Variants in AFF2 observed in about 807,000 individuals in gnomAD.
AFF2 encodes the protein ALF transcription elongation factor 2.
Under a neutral mutation model 76.9 loss-of-function variants are expected in AFF2, and 14 were observed. The observed-to-expected ratio is 0.18, with a 90% confidence interval of 0.12 to 0.28. The LOEUF is 0.28. AFF2 is among the 10% of genes least tolerant of loss of function. The pLI, the probability that AFF2 is intolerant of heterozygous loss-of-function variation, is 1.00. For missense variants in AFF2, 868 were observed against 1,001.1 expected (o/e 0.87, Z 1.79); for synonymous variants, 398 against 366.7 (o/e 1.09, Z -0.98).
chrX:148,856,649 G>A (rs1438397302), intron 7 of AFF2, among the ~76,000 whole-genome samples: 1 of 111,676 alleles, frequency 9.0e-6, no homozygotes, highest in Non-Finnish European at 1.9e-5. Context: ...GATATTCTCT[G>A]CTCCTGAGTC....
At chrX:148,990,038 T>C (rs1230593947) in intron 20 of AFF2, among the ~76,000 whole-genome samples, 7 of 112,370 alleles carry the variant, frequency 6.2e-5, no homozygotes, top group African/African-American at 2.3e-4. Context: ...AATGTTTTCC[T>C]TAATACTGTA....
At position 148,594,718 on chromosome X, in the gene AFF2, C is replaced by T. The variant is rs190411081; in HGVS notation, c.48-57281C>T. 2.9e-3 allele frequency among the ~76,000 whole-genome samples: 322 copies of T among 111,905 alleles called. 2 individuals are homozygous for T. The highest frequency in any genetic ancestry group is 5.8e-3 in the Admixed American group (61 of 10,544). On this transcript the variant is annotated intron_variant, in intron 1 of 20. Transcript: ENST00000370460. Reference sequence around the variant, plus strand: ...CCAAGGAATTGGTGATAGCAGATATCCCTTGAAGCAGGAGTGAAGAGGGTA... The same window carrying T: ...CCAAGGAATTGGTGATAGCAGATATTCCTTGAAGCAGGAGTGAAGAGGGTA...
intron 4 of AFF2, among the ~76,000 whole-genome samples, chrX:148,818,294 T>G (rs184259259): frequency 8.9e-6 from 1 of 112,098 alleles, no homozygotes; most frequent in Non-Finnish European, 1.9e-5. Flanking sequence ...CAAAAAATAG[T>G]CTTTACATAT....
At chrX:148,969,574 A>G (rs1301538506) in intron 15 of AFF2, among the ~76,000 whole-genome samples, 1 of 112,223 alleles carries the variant, frequency 8.9e-6, no homozygotes, top group Non-Finnish European at 1.9e-5. Context: ...ATACAATGCA[A>G]TGGTATGTTA....
At chrX:148,902,022 G>GA (rs1301331384) in intron 8 of AFF2, among the ~76,000 whole-genome samples, 2 of 111,402 alleles carry the variant, frequency 1.8e-5, no homozygotes, top group Non-Finnish European at 3.8e-5. Context: ...AGGCAACCCA[G>GA]AAAAAATAAT....
chrX:148,918,257 G>A (rs2071553805), intron 9 of AFF2, among the ~76,000 whole-genome samples: 1 of 112,538 alleles, frequency 8.9e-6, no homozygotes, highest in African/African-American at 3.2e-5. Context: ...AGACTTATTG[G>A]CTAGCAGGCC....
chrX:148,501,070 G>T lies in AFF2; in HGVS notation c.-28G>T, dbSNP rs781942106. 1.9e-5 allele frequency: 23 copies of T among 1,192,696 alleles called. No individual in the cohort carries two copies. In the South Asian group the frequency reaches 2.7e-4, roughly 14 times the overall value. ...CGACCCGCTGCGATCAGGGACAGGC[G>T]CCCGCCCGCCGCCGCCGCCTGGCCG... On this transcript the variant is annotated 5_prime_UTR_variant, in exon 1 of 21. Coordinates refer to ENST00000370460, the MANE Select transcript of AFF2 (RefSeq NM_002025.4).
intron 4 of AFF2, among the ~76,000 whole-genome samples, chrX:148,818,074 A>G (rs1356701893): frequency 8.9e-6 from 1 of 111,744 alleles, no homozygotes; most frequent in Non-Finnish European, 1.9e-5. Flanking sequence ...TTATACCACT[A>G]TCATTTTATG....
intron 7 of AFF2, among the ~76,000 whole-genome samples, chrX:148,861,054 C>A (rs2070842443): frequency 9.0e-6 from 1 of 111,258 alleles, no homozygotes; most frequent in South Asian, 3.8e-4. Flanking sequence ...AAGAAAAGAT[C>A]CAATTGTGTT....
intron 9 of AFF2, among the ~76,000 whole-genome samples, chrX:148,919,847 T>C (rs144049419): frequency 0.014 from 1,539 of 112,317 alleles, 27 homozygotes; most frequent in African/African-American, 0.047. Flanking sequence ...TCACTGTGAA[T>C]AGTTCTCATT....
At chrX:148,773,593 A>G (rs1281691727) in intron 3 of AFF2, among the ~76,000 whole-genome samples, 10 of 104,826 alleles carry the variant, frequency 9.5e-5, no homozygotes, top group South Asian at 4.6e-4. Context: ...TGAGTATGCT[A>G]TAGAGATGTA....
intron 1 of AFF2, among the ~76,000 whole-genome samples, chrX:148,529,017 A>C (rs1356164448): frequency 8.9e-6 from 1 of 112,379 alleles, no homozygotes; most frequent in Non-Finnish European, 1.9e-5. Flanking sequence ...TACTGTGCTC[A>C]TAAAGTTGAT....
At chrX:148,767,649 C>T (rs1305208831) in intron 3 of AFF2, among the ~76,000 whole-genome samples, 3 of 111,689 alleles carry the variant, frequency 2.7e-5, no homozygotes, top group African/African-American at 9.8e-5. Flanking sequence ...TTGCTAAGAA[C>T]TTAAAAGGGT....
intron 7 of AFF2, among the ~76,000 whole-genome samples, chrX:148,875,224 G>C (rs1331542703): frequency 8.9e-6 from 1 of 111,988 alleles, no homozygotes; most frequent in Non-Finnish European, 1.9e-5. Context: ...TCCTCATTTT[G>C]TTAAAACAAT....
At chrX:148,713,378 C>T (rs1457258899) in intron 3 of AFF2, among the ~76,000 whole-genome samples, 1 of 111,380 alleles carries the variant, frequency 9.0e-6, no homozygotes, top group African/African-American at 3.3e-5. Context: ...CAAATTTTGT[C>T]ATTTCTCTTG....
Position 148,700,879 on chromosome X carries a change from G to A in AFF2, c.1041+38111G>A, listed in dbSNP as rs566115859. Among the ~76,000 whole-genome samples, 18 of 111,333 alleles carry A rather than the reference G, an allele frequency of 1.6e-4. No homozygotes were observed. The South Asian group carries it at 6.8e-3, about 42-fold the overall frequency. ...GCTGGAAATCTTTCTAGCTCTTAGA[G>A]ATTATAAGGCTCAAAATTAACTAGA... On this transcript the variant is annotated intron_variant, in intron 3 of 20. Transcript: ENST00000370460.
At position 148,662,172 on chromosome X, in the gene AFF2, A is replaced by G. The variant is rs1557257837; in HGVS notation, c.445A>G (p.Ile149Val). 8.3e-6 allele frequency: 10 copies of G among 1,210,730 alleles called. No homozygotes were observed. The highest frequency in any genetic ancestry group is 1.1e-5 in the Non-Finnish European group (10 of 894,662). The stretch of plus-strand genomic sequence containing the variant: ...TGTTGTGATACTGAATTCAACTCTA[A>G]TACACAGCAACAGAAAATCAAAACC... The part of the protein sequence containing the change: ...PSVVILNSTL[I>V]HSNRKSKPEW... The change falls in exon 3 of 21, where the codon ATA (isoleucine) becomes GTA (valine). Residue 149 changes from isoleucine (I) to valine (V), a missense_variant. Ile to Val is a conservative substitution (Grantham distance 29). Around this residue, in one of 6 missense-constraint regions of AFF2, gnomAD observed 196 missense variants for 194.8 expected, o/e 1.01. Coordinates refer to ENST00000370460, the MANE Select transcript of AFF2 (RefSeq NM_002025.4).
At position 148,997,670 on chromosome X, in the gene AFF2, G is replaced by T. The variant is rs1356853767; in HGVS notation, c.*6338G>T. 1 of 111,156 alleles carries T rather than the reference G, an allele frequency of 9.0e-6. No homozygotes were observed. The highest frequency in any genetic ancestry group is 3.3e-5 in the African/African-American group (1 of 30,582). 9.2% of individuals were successfully genotyped at this position (111,156 alleles called of 1,213,427 possible). ...TATTGCTACAATATTTGTCCTTACT[G>T]GAAAATGGTAACATCCGGGTCTGAT... On this transcript the variant is annotated 3_prime_UTR_variant, in exon 21 of 21. Transcript: ENST00000370460.
chrX:148,935,934 A>T (rs1380049560), intron 9 of AFF2, among the ~76,000 whole-genome samples: 1 of 109,651 alleles, frequency 9.1e-6, no homozygotes, highest in African/African-American at 3.3e-5. Context: ...ATATTTATCA[A>T]AGCAGGAAAG....
Sources: gnomAD v4.1 joint callset for allele counts (sites outside exome capture counted in the v4.1 genomes callset) on GRCh38, gnomAD v4.1.1 for gene constraint, gnomAD v4.1.1 regional missense constraint, MANE v1.5 for transcripts, NCBI Gene and HGNC (gene_info 2026-07-23, HGNC 2026-07-21) for gene names.